CREB5: variants seen among roughly 807,000 people sequenced by gnomAD.
CREB5 encodes cAMP responsive element binding protein 5, also known as cyclic AMP-responsive element-binding protein 5.
A neutral mutation model predicts 57.1 loss-of-function variants in CREB5; 19 were observed. The observed-to-expected ratio is 0.33, with a 90% CI of 0.23 to 0.49. The LOEUF is 0.49. CREB5 is among the 20% of genes least tolerant of loss of function. The probability of loss-of-function intolerance (pLI) is 0.99; values close to 1 mark genes in which losing one functional copy is unlikely to be tolerated. For missense variants in CREB5, 579 were observed against 671.6 expected (o/e 0.86, Z 1.52); for synonymous variants, 238 against 238.3 (o/e 1.00, Z 0.01).
chr7:28,810,839 G>A (rs746771628), intron 9 of CREB5, among the ~76,000 whole-genome samples: 2 of 152,170 alleles, frequency 1.3e-5, no homozygotes, highest in African/African-American at 2.4e-5. Context: ...TCATTAAATG[G>A]AGATGGCTTG....
At chr7:28,705,875 CA>C (rs934494424) in intron 5 of CREB5, among the ~76,000 whole-genome samples, 16 of 152,274 alleles carry the variant, frequency 1.1e-4, no homozygotes, top group African/African-American at 3.4e-4. Context: ...AGAATGAACT[CA>C]AAAGAAAAGT....
At chr7:28,390,121 T>G (rs1787187639) in intron 1 of CREB5, among the ~76,000 whole-genome samples, 5 of 152,126 alleles carry the variant, frequency 3.3e-5, no homozygotes. Context: ...CTTAAGATAT[T>G]AAATGAGAAC....
Position 28,553,803 on chromosome 7 carries a change from A to G in CREB5, c.292-16562A>G, listed in dbSNP as rs4588751. Among the ~76,000 whole-genome samples the G allele has an allele frequency of 3.4e-3, 517 of 152,344 alleles. 1 individual carries two copies. Among genetic ancestry groups the G allele is most frequent in the African/African-American group, 0.011 (448 of 41,576 alleles). The stretch of plus-strand genomic sequence containing the variant: ...AAGTGGCCGACTGGGACTCAGCCTT[A>G]TAACTGGGCTATGCTTTGGGGAAGC... On this transcript the variant is annotated intron_variant, in intron 4 of 10. Transcript: ENST00000357727.
chr7:28,539,466 C>A (rs766740745), intron 4 of CREB5, among the ~76,000 whole-genome samples: 1 of 152,176 alleles, frequency 6.6e-6, no homozygotes, highest in Non-Finnish European at 1.5e-5. Context: ...AATTTAGGCA[C>A]AAAATCGGTA....
chr7:28,541,321 T>C (rs1168594542), intron 4 of CREB5, among the ~76,000 whole-genome samples: 1 of 152,026 alleles, frequency 6.6e-6, no homozygotes, highest in Non-Finnish European at 1.5e-5. Context: ...GGAGTGTGGC[T>C]TATGGAAGAA....
At chr7:28,446,587 T>C (rs1471366195) in intron 1 of CREB5, among the ~76,000 whole-genome samples, 1 of 151,980 alleles carries the variant, frequency 6.6e-6, no homozygotes, top group Non-Finnish European at 1.5e-5. Flanking sequence ...AGTCAGGAGA[T>C]CAAGGCCATC....
chr7:28,580,760 C>T (rs1796096186), intron 5 of CREB5, among the ~76,000 whole-genome samples: 1 of 152,044 alleles, frequency 6.6e-6, no homozygotes, highest in Non-Finnish European at 1.5e-5. Context: ...TGGAGCCTGC[C>T]TGAGACAGAG....
intron 3 of CREB5, among the ~76,000 whole-genome samples, chr7:28,506,930 A>G (rs922055976): frequency 3.9e-5 from 6 of 152,266 alleles, no homozygotes; most frequent in African/African-American, 1.4e-4. Context: ...AGTAAAAAAT[A>G]TGAAAGAAAT....
chr7:28,811,169 T>C (rs146163667), intron 9 of CREB5, among the ~76,000 whole-genome samples: 1 of 152,268 alleles, frequency 6.6e-6, no homozygotes, highest in Non-Finnish European at 1.5e-5. Context: ...GGTTCCCCTG[T>C]TTATAGTATA....
At chr7:28,683,699 G>A (rs1800713873) in intron 5 of CREB5, among the ~76,000 whole-genome samples, 1 of 152,146 alleles carries the variant, frequency 6.6e-6, no homozygotes, top group South Asian at 2.1e-4. Context: ...CCCGGCATTG[G>A]CTGAAGCTAT....
chr7:28,456,513 TG>T (rs1466418177), intron 1 of CREB5, among the ~76,000 whole-genome samples: 1 of 151,874 alleles, frequency 6.6e-6, no homozygotes, highest in Admixed American at 6.6e-5. Context: ...TTGGCTGGGG[TG>T]GGGGGCTTCA....
chr7:28,766,020 G>C (rs1283077045), intron 7 of CREB5, among the ~76,000 whole-genome samples: 2 of 151,858 alleles, frequency 1.3e-5, no homozygotes. Flanking sequence ...CCTTAGGCAA[G>C]TTACTTAGAT....
At position 28,446,568 on chromosome 7, in the gene CREB5, A is replaced by G. The variant is rs1789480509; in HGVS notation, c.3+33651A>G. On this transcript the variant is annotated intron_variant, in intron 1 of 10. Transcript: ENST00000357727. ...AGCACTTTGAGAGGCTGAGGTGGGC[A>G]GATCACGAAGTCAGGAGATCAAGGC... 2.6e-5 allele frequency among the ~76,000 whole-genome samples: 4 copies of G among 152,232 alleles called. No individual in the cohort carries two copies. In the South Asian group the frequency reaches 8.3e-4, roughly 32 times the overall value.
intron 1 of CREB5, among the ~76,000 whole-genome samples, chr7:28,351,345 T>C (rs1002969080): frequency 1.3e-5 from 2 of 152,188 alleles, no homozygotes; most frequent in African/African-American, 2.4e-5. Context: ...CAGGAGATAG[T>C]TCCTATTCAG....
intron 4 of CREB5, among the ~76,000 whole-genome samples, chr7:28,520,803 C>T (rs1249427330): frequency 6.6e-6 from 1 of 152,244 alleles, no homozygotes; most frequent in Non-Finnish European, 1.5e-5. Context: ...TAATAAGATA[C>T]TGCAGATACA....
chr7:28,558,818 G>A (rs767344382), intron 4 of CREB5, among the ~76,000 whole-genome samples: 2 of 152,132 alleles, frequency 1.3e-5, no homozygotes, highest in Non-Finnish European at 2.9e-5. Flanking sequence ...TTGAAATGCT[G>A]AAGAAATAGA....
chr7:28,357,895 T>C (rs143452266), intron 1 of CREB5, among the ~76,000 whole-genome samples: 11 of 152,198 alleles, frequency 7.2e-5, no homozygotes, highest in African/African-American at 2.2e-4. Flanking sequence ...GGAAAGGGTA[T>C]TTTGGGGTGT....
chr7:28,512,342 G>A (rs10215797), intron 4 of CREB5, among the ~76,000 whole-genome samples: 122,511 of 151,990 alleles, frequency 0.81, 49,435 homozygotes, highest in South Asian at 0.85. Context: ...TGAGCTGGGC[G>A]GAATCTTCCA....
rs960618825 is a variant in CREB5, at chr7:28,388,006, G to GAGCC, written c.-25+88566_-25+88569dup. On this transcript the variant is annotated intron_variant, in intron 1 of 9. Coordinates refer to the CREB5 transcript ENST00000396299. The stretch of plus-strand genomic sequence containing the variant: ...TTGTTTTTGCTGACTCTCAATCATG[G>GAGCC]AGCCTATTTCCTCATGTACTTTGTA... Among the ~76,000 whole-genome samples, 3 of 152,132 alleles carry GAGCC rather than the reference G, an allele frequency of 2.0e-5. No individual in the cohort carries two copies. In the East Asian group the frequency reaches 5.8e-4, roughly 29 times the overall value.
Sources: gnomAD v4.1 joint callset for allele counts (sites outside exome capture counted in the v4.1 genomes callset) on GRCh38, gnomAD v4.1.1 for gene constraint, MANE v1.5 for transcripts, NCBI Gene and HGNC (gene_info 2026-07-23, HGNC 2026-07-21) for gene names.